The following ZNF804B variants were observed in gnomAD, a reference collection of about 807,000 sequenced individuals.
ZNF804B encodes zinc finger protein 804B.
A neutral mutation model predicts 101.4 loss-of-function variants in ZNF804B; 80 were observed. The observed-to-expected ratio is 0.79, with a 90% confidence interval of 0.66 to 0.95. ZNF804B has a LOEUF of 0.95. Among genes scored for constraint, ZNF804B ranks in the 40% least tolerant of loss-of-function variants. The pLI, the probability that ZNF804B is intolerant of heterozygous loss-of-function variation, is 0.00. For missense variants in ZNF804B, 1,673 were observed against 1,561.9 expected (o/e 1.07, Z -1.20); for synonymous variants, 622 against 558.8 (o/e 1.11, Z -1.59).
At chr7:89,045,940 T>A (rs1341461517) in intron 1 of ZNF804B, among the ~76,000 whole-genome samples, 1 of 152,120 alleles carries the variant, frequency 6.6e-6, no homozygotes. Flanking sequence ...GGAGGTGGAA[T>A]GATATGGTTT....
At chr7:89,156,541 G>A (rs1015315633) in intron 1 of ZNF804B, among the ~76,000 whole-genome samples, 1 of 152,060 alleles carries the variant, frequency 6.6e-6, no homozygotes, top group Admixed American at 6.6e-5. Context: ...AAATAATATA[G>A]AACTCTGAAA....
At chr7:88,982,242 G>A (rs1314140072) in intron 1 of ZNF804B, among the ~76,000 whole-genome samples, 3 of 151,904 alleles carry the variant, frequency 2.0e-5, no homozygotes, top group East Asian at 3.9e-4. Flanking sequence ...CTGTAAAGTC[G>A]CCTAGCATCT....
intron 2 of ZNF804B, among the ~76,000 whole-genome samples, chr7:89,228,977 G>A (rs577126637): frequency 2.0e-4 from 30 of 152,180 alleles, no homozygotes; most frequent in African/African-American, 6.5e-4. Context: ...CAGGTGCTAG[G>A]CCCCTCACTG....
At chr7:89,045,756 C>T (rs1358599911) in intron 1 of ZNF804B, among the ~76,000 whole-genome samples, 1 of 152,126 alleles carries the variant, frequency 6.6e-6, no homozygotes, top group Non-Finnish European at 1.5e-5. Context: ...TAGGAAGTAA[C>T]TCCTTTGCTT....
At chr7:89,156,312 T>C (rs1299137887) in intron 1 of ZNF804B, among the ~76,000 whole-genome samples, 1 of 151,862 alleles carries the variant, frequency 6.6e-6, no homozygotes, top group East Asian at 1.9e-4. Flanking sequence ...ACGGGGTTTC[T>C]CCATGTTGGT....
chr7:88,970,446 AT>A (rs1285493508), intron 1 of ZNF804B, among the ~76,000 whole-genome samples: 22 of 151,338 alleles, frequency 1.5e-4, no homozygotes, highest in Admixed American at 5.3e-4. Flanking sequence ...TATTCCAAAC[AT>A]TTTATAATAA....
chr7:88,981,103 G>T (rs920092911), intron 1 of ZNF804B, among the ~76,000 whole-genome samples: 4 of 152,052 alleles, frequency 2.6e-5, no homozygotes, highest in Admixed American at 1.3e-4. Context: ...GTAGGAATGT[G>T]CTGTGTCACA....
intron 2 of ZNF804B, among the ~76,000 whole-genome samples, chr7:89,240,461 A>G (rs1010536037): frequency 6.6e-6 from 1 of 151,964 alleles, no homozygotes; most frequent in East Asian, 1.9e-4. Flanking sequence ...TACTGCTAAC[A>G]TAATTCTTAT....
At chr7:88,818,794 G>A (rs1431007343) in intron 1 of ZNF804B, among the ~76,000 whole-genome samples, 1 of 152,082 alleles carries the variant, frequency 6.6e-6, no homozygotes, top group Non-Finnish European at 1.5e-5. Context: ...CTGTATAGTG[G>A]GAATGCTAAT....
chr7:89,333,027 C>T (rs565075830), intron 3 of ZNF804B, among the ~76,000 whole-genome samples: 4 of 151,922 alleles, frequency 2.6e-5, no homozygotes, highest in African/African-American at 9.6e-5. Context: ...GATTGGAAAA[C>T]TATTAGTGAA....
intron 1 of ZNF804B, among the ~76,000 whole-genome samples, chr7:88,926,537 G>A (rs541043174): frequency 1.1e-4 from 17 of 152,088 alleles, no homozygotes; most frequent in South Asian, 8.3e-4. Flanking sequence ...CCCGGGAGGC[G>A]GAGGAGGTTA....
intron 1 of ZNF804B, among the ~76,000 whole-genome samples, chr7:89,025,988 A>G (rs181159591): frequency 6.6e-6 from 1 of 152,038 alleles, no homozygotes; most frequent in African/African-American, 2.4e-5. Context: ...ACTGGCCCCT[A>G]TCTACCCCTT....
At chr7:89,092,938 T>TA (rs1283818062) in intron 1 of ZNF804B, among the ~76,000 whole-genome samples, 1 of 152,210 alleles carries the variant, frequency 6.6e-6, no homozygotes, top group Non-Finnish European at 1.5e-5. Context: ...TTGTTGCTTC[T>TA]AGGCCCTTTT....
chr7:89,014,390 C>A (rs967495835), intron 1 of ZNF804B, among the ~76,000 whole-genome samples: 1 of 152,088 alleles, frequency 6.6e-6, no homozygotes, highest in Non-Finnish European at 1.5e-5. Context: ...GATGTTGGCT[C>A]ACTGCAAGCT....
chr7:89,159,536 T>C (rs1190092094), intron 1 of ZNF804B, among the ~76,000 whole-genome samples: 1 of 152,084 alleles, frequency 6.6e-6, no homozygotes, highest in African/African-American at 2.4e-5. Context: ...AAGGAGATGG[T>C]GAAGGTAAAG....
chr7:89,298,216 G>GTATGTATA (rs1554391320), intron 2 of ZNF804B, among the ~76,000 whole-genome samples: 2 of 27,524 alleles, frequency 7.3e-5, no homozygotes, highest in African/African-American at 1.6e-4. Flanking sequence ...GTGTGTGTGT[G>GTATGTATA]TATATATATA....
chr7:89,009,173 A>C (rs1788414872), intron 1 of ZNF804B, among the ~76,000 whole-genome samples: 1 of 151,966 alleles, frequency 6.6e-6, no homozygotes. Context: ...TTTGATTTTC[A>C]CTTTTCTTCT....
At chr7:88,910,489 T>C (rs753925506) in intron 1 of ZNF804B, among the ~76,000 whole-genome samples, 76 of 152,026 alleles carry the variant, frequency 5.0e-4, no homozygotes, top group Non-Finnish European at 8.7e-4. Context: ...TTAATAAATA[T>C]TTTAACCATC....
chr7:88,936,976 A>G (rs975338), intron 1 of ZNF804B, among the ~76,000 whole-genome samples: 122,200 of 151,938 alleles, frequency 0.8, 49,775 homozygotes, highest in African/African-American at 0.93. Context: ...TAAAATAGAT[A>G]TAATGAGAAC....
Sources: allele counts gnomAD v4.1 joint callset (sites outside exome capture counted in the v4.1 genomes callset), GRCh38; gene constraint gnomAD v4.1.1; transcripts MANE v1.5; gene names NCBI Gene and HGNC (gene_info 2026-07-23, HGNC 2026-07-21).